The following MUC3A variants were observed in gnomAD, a reference collection of about 807,000 sequenced individuals.
MUC3A encodes the protein mucin 3A, cell surface associated.
In MUC3A, 109 loss-of-function variants were observed where a neutral mutation model predicts 109.0. The observed-to-expected ratio is 1.00, with a 90% CI of 0.86 to 1.17. The LOEUF (loss-of-function observed/expected upper bound fraction) is 1.17, where lower values mean the gene tolerates loss of function less well. MUC3A is among the 50% of genes most tolerant of loss of function. The pLI, the probability that MUC3A is intolerant of heterozygous loss-of-function variation, is 0.00. For missense variants in MUC3A, 3,537 were observed against 2,469.4 expected (o/e 1.43, Z -9.16); for synonymous variants, 1,398 against 981.4 (o/e 1.42, Z -7.93).
chr7:100,966,624 T>C (rs1792576390), intron 9 of MUC3A, 28 bp from the exon 10 acceptor site: 2 of 1,598,372 alleles, frequency 1.3e-6, no homozygotes, highest in Admixed American at 3.3e-5. Context: ...GGGCCGGCTC[T>C]GTCTGACCGC....
Position 100,967,613 on chromosome 7 carries a change from A to C in MUC3A, c.*451A>C. The C allele has an allele frequency of 6.7e-6, 2 of 297,558 alleles. No individual in the cohort carries two copies. The highest frequency in any genetic ancestry group is 5.9e-5 in the South Asian group (1 of 16,898). The allele number at this position is 297,558 out of a possible 1,614,324, so 18.4% of individuals were successfully genotyped here. ...GGTTCTTATTTTCTCTCAATTCCCT[A>C]CTGCCTGTTTCTTACTTTGAACCTG... On this transcript the variant is annotated 3_prime_UTR_variant, in exon 12 of 12. Coordinates refer to ENST00000379458, the MANE Select transcript of MUC3A (RefSeq NM_005960.2).
At chr7:100,966,076 ATTCTGGG>A in intron 8 of MUC3A, 6 of 619,378 alleles carry the variant, frequency 9.7e-6, no homozygotes, top group South Asian at 3.1e-5. Flanking sequence ...CTGTCCCCTA[ATTCTGGG>A]AGAGAACCCC....
At position 100,956,811 on chromosome 7, in the gene MUC3A, C is replaced by A; in HGVS notation, c.5032C>A (p.Gln1678Lys). The change falls in exon 2 of 12, where the codon CAG becomes AAG. Residue 1678 changes from glutamine to lysine, a missense_variant. Physicochemically the swap from Gln to Lys is moderately conservative, Grantham distance 53. Coordinates refer to ENST00000379458, the MANE Select transcript of MUC3A (RefSeq NM_005960.2). ...CAGCAGTGTAGGGACCACTCACACC[C>A]AGAGTATCTCCTCACCCCCAGCCAT... ...SASSVGTTHT[Q>K]SISSPPAITS... 3.5e-6 allele frequency: 1 copy of A among 282,616 alleles called. No homozygotes were observed. 17.5% of individuals were successfully genotyped at this position (282,616 alleles called of 1,614,324 possible).
chr7:100,960,285 C>T lies in MUC3A; in HGVS notation c.8506C>T (p.Pro2836Ser), dbSNP rs1313682549. 2.5e-6 allele frequency: 4 copies of T among 1,598,432 alleles called. No individual in the cohort carries two copies. The highest frequency in any genetic ancestry group is 4.5e-5 in the East Asian group (2 of 44,904). ...TTYMDTSSMM[P>S]ESESSISPNA... Reference sequence around the variant, plus strand: ...ATATATGGACACTTCTTCCATGATGCCAGAAAGTGAGTCCAGCATCTCACC... The same window carrying T: ...ATATATGGACACTTCTTCCATGATGTCAGAAAGTGAGTCCAGCATCTCACC... Residue 2836 changes from proline to serine, a missense_variant, in exon 2 of 12, where the codon CCA becomes TCA. Transcript: ENST00000379458.
At position 100,967,237 on chromosome 7, in the gene MUC3A, G is replaced by C; in HGVS notation, c.*75G>C. On this transcript the variant is annotated 3_prime_UTR_variant, in exon 12 of 12. Coordinates refer to ENST00000379458, the MANE Select transcript of MUC3A (RefSeq NM_005960.2). Reference sequence around the variant, plus strand: ...GGTCTGCATTGCGTCCATTTCAAGAGGTGGCCCCAGGACGCGGGCAGCCCA... The same window carrying C: ...GGTCTGCATTGCGTCCATTTCAAGACGTGGCCCCAGGACGCGGGCAGCCCA... 6.3e-7 allele frequency: 1 copy of C among 1,586,804 alleles called. No individual in the cohort carries two copies. Among genetic ancestry groups the C allele is most frequent in the Admixed American group, 1.7e-5 (1 of 58,806 alleles).
Position 100,960,313 on chromosome 7 carries a change from A to T in MUC3A, c.8534A>T (p.Asn2845Ile). 1 of 1,598,540 alleles carries T rather than the reference A, an allele frequency of 6.3e-7. No individual in the cohort carries two copies. Among genetic ancestry groups the T allele is most frequent in the Non-Finnish European group, 8.5e-7 (1 of 1,179,818 alleles). Reference protein sequence around the residue: ...MPESESSISPNASSSTGTGTV... With the variant: ...MPESESSISPIASSSTGTGTV... The stretch of plus-strand genomic sequence containing the variant: ...GAAAGTGAGTCCAGCATCTCACCCA[A>T]TGCTTCCAGTTCCACTGGCACTGGG... Residue 2845 changes from asparagine (N) to isoleucine (I), a missense_variant, in exon 2 of 12, where the codon AAT (asparagine) becomes ATT (isoleucine). Coordinates refer to ENST00000379458, the MANE Select transcript of MUC3A (RefSeq NM_005960.2).
At chr7:100,965,384 G>T in intron 7 of MUC3A, 37 bp downstream of exon 7, 1 of 1,585,176 alleles carries the variant, frequency 6.3e-7, no homozygotes, top group South Asian at 1.1e-5. Flanking sequence ...GTCTCCCGCG[G>T]CTATGATCCG....
chr7:100,958,582 A>AGTACTCCCAGCTTCACTTCTT lies in MUC3A; in HGVS notation c.6803_6804insGTACTCCCAGCTTCACTTCTT (p.His2268delinsGlnTyrSerGlnLeuHisPhePhe). On this transcript the variant is annotated protein_altering_variant, in exon 2 of 12. Coordinates refer to ENST00000379458, the MANE Select transcript of MUC3A (RefSeq NM_005960.2). ...ATCACCACCACTGAGACCACCTCAC[A>AGTACTCCCAGCTTCACTTCTT]TGATACTCCCAGCTTCACTTCTTCA... 7.1e-7 allele frequency: 1 copy of AGTACTCCCAGCTTCACTTCTT among 1,417,494 alleles called. No individual in the cohort carries two copies. The highest frequency in any genetic ancestry group is 9.8e-7 in the Non-Finnish European group (1 of 1,019,102). The allele number at this position is 1,417,494 out of a possible 1,614,324, so 87.8% of individuals were successfully genotyped here.
Position 100,955,463 on chromosome 7 carries a change from T to G in MUC3A, c.3684T>G (p.Ser1228Arg). The change falls in exon 2 of 12, where the codon AGT (serine) becomes AGG (arginine). Residue 1228 changes from serine (S) to arginine (R), a missense_variant. By Grantham distance (110) the Ser-to-Arg change is moderately radical. Coordinates refer to ENST00000379458, the MANE Select transcript of MUC3A (RefSeq NM_005960.2). ...TCACATCAACATTCACTGTTTCCAG[T>G]TCCTCAGCAATGTCCACAAGTGTCA... Reference protein sequence around the residue: ...TDLTSTFTVSSSSAMSTSVIP... With the variant: ...TDLTSTFTVSRSSAMSTSVIP... 1.7e-6 allele frequency: 1 copy of G among 582,180 alleles called. No individual in the cohort carries two copies. Among genetic ancestry groups the G allele is most frequent in the East Asian group, 2.9e-5 (1 of 34,190 alleles). 36.1% of individuals were successfully genotyped at this position (582,180 alleles called of 1,614,324 possible).
In MUC3A at chr7:100,953,005, C is replaced by T. The variant is rs78122261; in HGVS notation, c.1226C>T (p.Ser409Phe). Residue 409 changes from serine to phenylalanine, a missense_variant, in exon 2 of 12, where the codon TCC (serine) becomes TTC (phenylalanine). Transcript: ENST00000379458. Reference sequence around the variant, plus strand: ...AGCTTCTCTTCATCAACCATCTACTCCACAGTCAGCACATCCACAACTGCC... The same window carrying T: ...AGCTTCTCTTCATCAACCATCTACTTCACAGTCAGCACATCCACAACTGCC... ...TPSFSSSTIY[S>F]TVSTSTTAIS... is the part of the protein sequence containing the mutation. 1 of 1,587,694 alleles carries T rather than the reference C, an allele frequency of 6.3e-7. No homozygotes were observed. Among genetic ancestry groups the T allele is most frequent in the Admixed American group, 1.7e-5 (1 of 60,014 alleles).
chr7:100,963,348 C>G, intron 4 of MUC3A, 82 bp downstream of exon 4: 2 of 1,004,434 alleles, frequency 2.0e-6, no homozygotes, highest in Admixed American at 2.5e-5. Context: ...TGCAATGGTG[C>G]GATCTTGGGT....
In MUC3A at chr7:100,967,187, C is replaced by T; in HGVS notation, c.*25C>T. 6.3e-7 allele frequency: 1 copy of T among 1,598,486 alleles called. No individual in the cohort carries two copies. Among genetic ancestry groups the T allele is most frequent in the Non-Finnish European group, 8.5e-7 (1 of 1,179,796 alleles). On this transcript the variant is annotated 3_prime_UTR_variant, in exon 12 of 12. Transcript: ENST00000379458. Reference sequence around the variant, plus strand: ...AGCCCTGCGGGGCCCCTTCACCACCCCCTCCGCCCTGCCCCGGACACAAGG... The same window carrying T: ...AGCCCTGCGGGGCCCCTTCACCACCTCCTCCGCCCTGCCCCGGACACAAGG...
Position 100,955,810 on chromosome 7 carries a change from C to T in MUC3A, c.4031C>T (p.Ala1344Val), listed in dbSNP as rs1293916799. The T allele has an allele frequency of 2.7e-5, 12 of 443,958 alleles. No homozygotes were observed. Among genetic ancestry groups the T allele is most frequent in the South Asian group, 1.4e-4 (2 of 14,066 alleles). 27.5% of individuals were successfully genotyped at this position (443,958 alleles called of 1,614,324 possible). The change falls in exon 2 of 12, where the codon GCG (alanine) becomes GTG (valine). Residue 1344 changes from alanine (A) to valine (V), a missense_variant. By Grantham distance (64) the Ala-to-Val change is moderately conservative. Coordinates refer to ENST00000379458, the MANE Select transcript of MUC3A (RefSeq NM_005960.2). ...PTMEPPSTTV[A>V]TTGTGQTTFP... ...ATGGAACCACCTTCAACCACTGTAG[C>T]GACTACAGGCACAGGTCAGACCACC...
intron 8 of MUC3A, 149 bp from the exon 9 acceptor site, chr7:100,966,237 G>GGGTAGAGACCCGTCCGCTTGTTCTAC: frequency 1.5e-6 from 1 of 663,564 alleles, no homozygotes; most frequent in Non-Finnish European, 2.1e-6. Context: ...CCTCGTTCTA[G>GGGTAGAGACCCGTCCGCTTGTTCTAC]GGTGGATTCC....
At chr7:100,961,343 G>A (rs2904856) in intron 3 of MUC3A, among the ~76,000 whole-genome samples, 2 of 49,042 alleles carry the variant, frequency 4.1e-5, no homozygotes, top group East Asian at 1.4e-3. Flanking sequence ...CGGCTCCAGG[G>A]AAGAATCCAT....
rs755775268 is a variant in MUC3A at position 100,959,313 on chromosome 7, A to G, written c.7534A>G (p.Ile2512Val). ...GACTACAACCACAGACTTTCCCTCT[A>G]TACCCACTGATATCAGTACCTTACC... ...SLTTTTDFPSIPTDISTLPTR... is the reference protein window; with the variant it reads ...SLTTTTDFPSVPTDISTLPTR... Residue 2512 changes from isoleucine to valine, a missense_variant, in exon 2 of 12, where the codon ATA becomes GTA. Transcript: ENST00000379458. 13 of 1,570,904 alleles carry G rather than the reference A, an allele frequency of 8.3e-6. No homozygotes were observed. The highest frequency in any genetic ancestry group is 2.3e-5 in the South Asian group (2 of 85,130).
In MUC3A at chr7:100,952,138, T is replaced by C. The variant is rs763855441; in HGVS notation, c.359T>C (p.Leu120Ser). The change falls in exon 2 of 12, where the codon TTG becomes TCG. Residue 120 changes from leucine (L) to serine (S), a missense_variant. Transcript: ENST00000379458. Reference protein sequence around the residue: ...FKVETTPPTVLVYSATTECVY... With the variant: ...FKVETTPPTVSVYSATTECVY... ...GTTGAAACCACTCCACCCACCGTGT[T>C]GGTCTATTCAGCCACCACTGAGTGC... The C allele has an allele frequency of 1.4e-4, 220 of 1,598,090 alleles. No individual in the cohort carries two copies. Among genetic ancestry groups the C allele is most frequent in the Non-Finnish European group, 1.8e-4 (214 of 1,179,326 alleles).
At position 100,952,098 on chromosome 7, in the gene MUC3A, A is replaced by C; in HGVS notation, c.319A>C (p.Lys107Gln). ...CAACACCTCAACCACCCCGACGTCC[A>C]AGTTTGCCTTCAAGGTTGAAACCAC... ...SSNTSTTPTS[K>Q]FAFKVETTPP... Residue 107 changes from lysine to glutamine, a missense_variant, in exon 2 of 12, where the codon AAG (lysine) becomes CAG (glutamine). Transcript: ENST00000379458. 1.3e-6 allele frequency: 2 copies of C among 1,598,636 alleles called. No homozygotes were observed. Among genetic ancestry groups the C allele is most frequent in the Non-Finnish European group, 8.5e-7 (1 of 1,179,822 alleles).
rs1382307701 is a variant in MUC3A at position 100,957,857 on chromosome 7, G to A, written c.6078G>A (p.Leu2026=). The A allele has an allele frequency of 1.7e-5, 2 of 119,226 alleles. No individual in the cohort carries two copies. Among genetic ancestry groups the A allele is most frequent in the African/African-American group, 4.2e-4 (2 of 4,706 alleles). 7.4% of individuals were successfully genotyped at this position (119,226 alleles called of 1,614,324 possible). ...CCACATCCCACAATACTCCCAGCTT[G>A]ACTTCTTCGATCACAACCACCGAGA... is the stretch of plus-strand genomic sequence containing the variant. ...TETTSHNTPS[L]TSSITTTETT... The change falls in exon 2 of 12, where the codon TTG becomes TTA. Residue 2026 remains leucine (L), a synonymous_variant. Transcript: ENST00000379458.
Sources: allele counts gnomAD v4.1 joint callset (sites outside exome capture counted in the v4.1 genomes callset), GRCh38; gene constraint gnomAD v4.1.1; transcripts MANE v1.5; gene names NCBI Gene and HGNC (gene_info 2026-07-23, HGNC 2026-07-21).